Variants in SASH1 observed in about 807,000 individuals in gnomAD.
SASH1 encodes SAM and SH3 domain containing 1.
Under a neutral mutation model 125.2 loss-of-function variants are expected in SASH1, and 44 were observed. That is an observed-to-expected ratio of 0.35 (90% CI 0.28 to 0.45). The LOEUF is 0.45. Ranked by LOEUF, SASH1 falls within the 20% of genes least tolerant of loss-of-function variation. The pLI, the probability that SASH1 is intolerant of heterozygous loss-of-function variation, is 1.00. For missense variants in SASH1, 1,426 were observed against 1,614.5 expected (o/e 0.88, Z 2.00); for synonymous variants, 639 against 649.1 (o/e 0.98, Z 0.24).
chr6:148,264,779 TG>T, the SASH1 span, among the ~76,000 whole-genome samples: 1 of 152,242 alleles, frequency 6.6e-6, no homozygotes, highest in Non-Finnish European at 1.5e-5. Context: ...CACCTCTGCC[TG>T]CCTGCTCCAT....
chr6:148,219,227 C>T, the SASH1 span, among the ~76,000 whole-genome samples: 5 of 152,224 alleles, frequency 3.3e-5, no homozygotes, highest in African/African-American at 1.2e-4. Context: ...CTAATTGATT[C>T]TCTCCTCATT....
In SASH1 at chr6:148,361,957, A is replaced by G. The variant is rs550980033; in HGVS notation, c.156+18734A>G. Among the ~76,000 whole-genome samples, 591 of 127,358 alleles carry G rather than the reference A, an allele frequency of 4.6e-3. 4 individuals carry two copies. The highest frequency in any genetic ancestry group is 0.02 in the Middle Eastern group (4 of 198). The allele number at this position is 127,358 out of a possible 152,430, so 83.6% of individuals were successfully genotyped here. On this transcript the variant is annotated intron_variant, in intron 1 of 19. Transcript: ENST00000367467. ...GAGACAGAGTCTCACTCTGTCGCCC[A>G]GGCTGGAGTGCAGTGGCGCGATCTC...
intron 1 of SASH1, among the ~76,000 whole-genome samples, chr6:148,326,072 G>A (rs1216652009): frequency 6.7e-6 from 1 of 148,770 alleles, no homozygotes; most frequent in African/African-American, 2.5e-5. Flanking sequence ...CTGTCACCCA[G>A]GCTGGAGTGT....
chr6:148,448,650 C>T (rs944685891), intron 4 of SASH1, among the ~76,000 whole-genome samples: 2 of 152,188 alleles, frequency 1.3e-5, no homozygotes, highest in Non-Finnish European at 1.5e-5. Flanking sequence ...TGTGAGCTCT[C>T]CCAAGGCTCT....
At chr6:148,299,539 C>G (rs1042802083) in intron 1 of SASH1, among the ~76,000 whole-genome samples, 1 of 151,362 alleles carries the variant, frequency 6.6e-6, no homozygotes, top group African/African-American at 2.4e-5. Flanking sequence ...TAGTGGTGCA[C>G]GTCTGTAATC....
chr6:148,496,692 G>A (rs1779324438), intron 8 of SASH1, among the ~76,000 whole-genome samples: 1 of 152,086 alleles, frequency 6.6e-6, no homozygotes, highest in African/African-American at 2.4e-5. Context: ...AGAAGTTCAA[G>A]ACCAGCATGG....
In SASH1 at chr6:148,402,177, C is replaced by T. The variant is rs541282350; in HGVS notation, c.285+11915C>T. On this transcript the variant is annotated intron_variant, in intron 2 of 19. Transcript: ENST00000367467. ...ATCATTGATCATCAGTTTCACTTCA[C>T]ATGTCTAAACCTCAGGGTACGGTAC... Among the ~76,000 whole-genome samples, 3 of 152,330 alleles carry T rather than the reference C, an allele frequency of 2.0e-5. No individual in the cohort carries two copies. The East Asian group carries it at 5.8e-4, about 29-fold the overall frequency.
At chr6:148,548,258 G>A (rs1357893834) in intron 19 of SASH1, 37 bp from the exon 20 acceptor site, 1 of 1,571,474 alleles carries the variant, frequency 6.4e-7, no homozygotes, top group Admixed American at 1.8e-5. Context: ...GATGACACAT[G>A]GAGCGTTTCT....
At chr6:148,445,626 TC>T (rs1776737887) in intron 4 of SASH1, among the ~76,000 whole-genome samples, 2 of 152,328 alleles carry the variant, frequency 1.3e-5, no homozygotes, top group South Asian at 2.1e-4. Context: ...TGGACTGCTT[TC>T]TTTTTTCTTC....
At chr6:148,254,995 G>A in the SASH1 span, among the ~76,000 whole-genome samples, 55 of 152,164 alleles carry the variant, frequency 3.6e-4, 1 homozygote, top group South Asian at 0.011. Context: ...CAAATGAGAT[G>A]TATTTATACA....
upstream of SASH1, among the ~76,000 whole-genome samples, chr6:148,271,577 A>G (rs181276980): frequency 2.0e-5 from 3 of 152,234 alleles, no homozygotes; most frequent in African/African-American, 7.2e-5. Flanking sequence ...TTTCCTTTAG[A>G]TGTCTTCAAA....
chr6:148,465,592 A>C (rs1430965816), intron 4 of SASH1, among the ~76,000 whole-genome samples: 2 of 151,266 alleles, frequency 1.3e-5, no homozygotes, highest in Non-Finnish European at 2.9e-5. Context: ...TAGGGTGAGG[A>C]CAAAAATACA....
Position 148,291,269 on chromosome 6 carries a change from T to C in SASH1, n.74+18892T>C, listed in dbSNP as rs75780522. Among the ~76,000 whole-genome samples, 1,487 of 152,378 alleles carry C rather than the reference T, an allele frequency of 9.8e-3. 22 individuals carry two copies. The highest frequency in any genetic ancestry group is 0.033 in the African/African-American group (1,372 of 41,586). On this transcript the variant is annotated intron_variant and non_coding_transcript_variant, in intron 1 of 3. Transcript: ENST00000367469. ...TAAAGATTTGAGGTGACAGATACGC[T>C]AATTGCCCTGATTTGATCATTACAC... is the stretch of plus-strand genomic sequence containing the variant.
chr6:148,439,181 T>C (rs1466071046), intron 2 of SASH1, among the ~76,000 whole-genome samples: 1 of 152,224 alleles, frequency 6.6e-6, no homozygotes, highest in Non-Finnish European at 1.5e-5. Context: ...ACAGCCTCCT[T>C]GAACTATGAA....
intron 4 of SASH1, among the ~76,000 whole-genome samples, chr6:148,456,144 G>T (rs900938676): frequency 3.3e-5 from 5 of 152,148 alleles, no homozygotes; most frequent in African/African-American, 1.2e-4. Context: ...GCAAGGAGGA[G>T]GTTCTTGAAT....
At chr6:148,326,958 T>A (rs964096374) in intron 1 of SASH1, among the ~76,000 whole-genome samples, 1 of 152,120 alleles carries the variant, frequency 6.6e-6, no homozygotes, top group Non-Finnish European at 1.5e-5. Flanking sequence ...ATCTCCAGAC[T>A]TTTCCTTTTG....
intron 1 of SASH1, among the ~76,000 whole-genome samples, chr6:148,314,301 A>G (rs763485253): frequency 1.3e-5 from 2 of 152,236 alleles, no homozygotes; most frequent in African/African-American, 2.4e-5. Flanking sequence ...ATCCACAAGG[A>G]GCTCATTCTA....
At chr6:148,455,348 T>C (rs1777282895) in intron 4 of SASH1, among the ~76,000 whole-genome samples, 1 of 152,200 alleles carries the variant, frequency 6.6e-6, no homozygotes, top group Non-Finnish European at 1.5e-5. Context: ...GCTTCTACTC[T>C]GCATCGTAAG....
intron 2 of SASH1, among the ~76,000 whole-genome samples, chr6:148,431,606 T>G (rs1776062039): frequency 6.6e-6 from 1 of 151,966 alleles, no homozygotes; most frequent in African/African-American, 2.4e-5. Context: ...GGTGAGAATG[T>G]TGACTTTCAG....
Sources: gnomAD v4.1 joint callset for allele counts (sites outside exome capture counted in the v4.1 genomes callset) on GRCh38, gnomAD v4.1.1 for gene constraint, MANE v1.5 for transcripts, NCBI Gene and HGNC (gene_info 2026-07-23, HGNC 2026-07-21) for gene names.